The following WIPF3 variants were observed in gnomAD, a reference collection of about 807,000 sequenced individuals.
WIPF3 encodes the protein WAS/WASL-interacting protein family member 3.
In WIPF3, 33 loss-of-function variants were observed where a neutral mutation model predicts 38.9. The ratio of observed to expected loss-of-function variants is 0.85; its 90% confidence interval spans 0.64 to 1.14. The LOEUF is 1.14. WIPF3 is among the 50% of genes most tolerant of loss of function. The pLI, the probability that WIPF3 is intolerant of heterozygous loss-of-function variation, is 0.00. For missense variants in WIPF3, 711 were observed against 652.5 expected, an observed-to-expected ratio of 1.09 and a Z score of -0.98; for synonymous variants, 324 against 269.3, an observed-to-expected ratio of 1.20 and a Z score of -1.99.
At chr7:29,888,856 G>A (rs1168065434) in intron 6 of WIPF3, among the ~76,000 whole-genome samples, 1 of 152,170 alleles carries the variant, frequency 6.6e-6, no homozygotes, top group Non-Finnish European at 1.5e-5. Flanking sequence ...CACAGGCCAT[G>A]CTCCTCCATT....
At chr7:29,897,136 TC>T (rs138636042) in intron 7 of WIPF3, among the ~76,000 whole-genome samples, 1,645 of 152,318 alleles carry the variant, frequency 0.011, 35 homozygotes, top group East Asian at 0.057. Context: ...TCCTCAAAAT[TC>T]ATCTATGTTG....
chr7:29,807,127 G>T (rs1183708320), intron 1 of WIPF3, among the ~76,000 whole-genome samples: 2 of 152,116 alleles, frequency 1.3e-5, no homozygotes, highest in African/African-American at 2.4e-5. Context: ...CGCGGGAAGG[G>T]CTGGGGCGGA....
At chr7:29,876,060 C>G (rs1447372361) in intron 3 of WIPF3, 98 bp downstream of exon 3, 1 of 1,501,426 alleles carries the variant, frequency 6.7e-7, no homozygotes, top group East Asian at 2.4e-5. Flanking sequence ...AGCTGCTTCC[C>G]AGGATGCATA....
rs1785455544 is a variant in WIPF3 at position 29,869,425 on chromosome 7, A to G, written c.91-6405A>G. On this transcript the variant is annotated intron_variant, in intron 2 of 8. Coordinates refer to ENST00000242140, the MANE Select transcript of WIPF3 (RefSeq NM_001080529.3). ...ACTATTCAAGGGGTTCGCTTTACTGATTTCTATTTACCATCTTTTCAAGCC... is the reference window on the plus strand; with the variant it reads ...ACTATTCAAGGGGTTCGCTTTACTGGTTTCTATTTACCATCTTTTCAAGCC... 2.0e-5 allele frequency among the ~76,000 whole-genome samples: 3 copies of G among 152,216 alleles called. No homozygotes were observed. In the South Asian group the frequency reaches 6.2e-4, roughly 32 times the overall value.
chr7:29,830,102 A>G (rs1053412872), intron 1 of WIPF3, among the ~76,000 whole-genome samples: 26 of 35,648 alleles, frequency 7.3e-4, no homozygotes, highest in Non-Finnish European at 1.2e-3. Context: ...TTGTATCTGG[A>G]AAAAAAAAAG....
intron 5 of WIPF3, 99 bp from the exon 6 acceptor site, chr7:29,887,969 A>G: frequency 2.0e-6 from 3 of 1,476,848 alleles, no homozygotes; most frequent in Non-Finnish European, 2.8e-6. Context: ...GCTGTATCAT[A>G]TTACATCTGA....
intron 6 of WIPF3, among the ~76,000 whole-genome samples, chr7:29,888,492 T>C (rs1007858472): frequency 2.3e-5 from 3 of 132,772 alleles, no homozygotes; most frequent in Non-Finnish European, 4.8e-5. Flanking sequence ...TGAGTGTGTG[T>C]GCGTGTGCGT....
At chr7:29,886,075 C>T (rs1241496145) in intron 5 of WIPF3, among the ~76,000 whole-genome samples, 2 of 151,872 alleles carry the variant, frequency 1.3e-5, no homozygotes, top group Non-Finnish European at 2.9e-5. Context: ...AAGTTGATTC[C>T]ATTTTTTGTT....
At chr7:29,855,172 A>G (rs1785168278) in intron 2 of WIPF3, among the ~76,000 whole-genome samples, 1 of 152,200 alleles carries the variant, frequency 6.6e-6, no homozygotes, top group South Asian at 2.1e-4. Context: ...ATTTTTCTTG[A>G]GGCAGAATTC....
intron 8 of WIPF3, among the ~76,000 whole-genome samples, chr7:29,913,014 A>C (rs1786532666): frequency 6.6e-6 from 1 of 152,254 alleles, no homozygotes; most frequent in African/African-American, 2.4e-5. Context: ...GCAAAACATT[A>C]TGAATGTATT....
intron 1 of WIPF3, among the ~76,000 whole-genome samples, chr7:29,827,694 C>G (rs546550144): frequency 6.6e-6 from 1 of 152,182 alleles, no homozygotes; most frequent in East Asian, 1.9e-4. Flanking sequence ...GCCAAAGAAA[C>G]AAGGGATGTG....
chr7:29,811,477 G>A (rs371238673), intron 1 of WIPF3, among the ~76,000 whole-genome samples: 2 of 152,136 alleles, frequency 1.3e-5, no homozygotes, highest in East Asian at 3.8e-4. Flanking sequence ...CATAAGTTGT[G>A]GATAGTTTCC....
At chr7:29,890,437 A>T (rs770463344) in intron 7 of WIPF3, among the ~76,000 whole-genome samples, 1 of 151,748 alleles carries the variant, frequency 6.6e-6, no homozygotes, top group Non-Finnish European at 1.5e-5. Context: ...GGCCAATCAG[A>T]TTGGGCAGGA....
At position 29,878,584 on chromosome 7, in the gene WIPF3, A is replaced by G. The variant is rs1472592352; in HGVS notation, c.224-425A>G. Among the ~76,000 whole-genome samples, 2 of 152,196 alleles carry G rather than the reference A, an allele frequency of 1.3e-5. No individual in the cohort carries two copies. Among genetic ancestry groups the G allele is most frequent in the African/African-American group, 4.8e-5 (2 of 41,454 alleles). ...CAGCGCTCTGTGGACAAGAAGTTAA[A>G]ATGACTGACTGAATTAAATCTGTGG... On this transcript the variant is annotated intron_variant, in intron 3 of 8. Coordinates refer to ENST00000242140, the MANE Select transcript of WIPF3 (RefSeq NM_001080529.3). This position sits in a 1 kb window ranked among gnomAD's most constrained non-coding sequence, Gnocchi z 4.0.
intron 2 of WIPF3, among the ~76,000 whole-genome samples, chr7:29,852,119 AGCCTCCCAAATAGCTG>A (rs1785109338): frequency 2.0e-5 from 3 of 152,120 alleles, no homozygotes; most frequent in Admixed American, 1.3e-4. Flanking sequence ...CTCCTGCCTC[AGCCTCCCAAATAGCTG>A]AGACTACAGG....
At chr7:29,887,154 G>T (rs1785900279) in intron 5 of WIPF3, among the ~76,000 whole-genome samples, 1 of 152,198 alleles carries the variant, frequency 6.6e-6, no homozygotes, top group Non-Finnish European at 1.5e-5. Context: ...CCAGGATGGG[G>T]ATTCATATCT....
chr7:29,846,477 G>T (rs174943), intron 2 of WIPF3, among the ~76,000 whole-genome samples: 1 of 151,954 alleles, frequency 6.6e-6, no homozygotes, highest in African/African-American at 2.4e-5. Flanking sequence ...CAGGCAGGTG[G>T]ATCACCTGAG....
chr7:29,831,496 C>T (rs1008119179), intron 1 of WIPF3, among the ~76,000 whole-genome samples: 2 of 152,224 alleles, frequency 1.3e-5, no homozygotes, highest in African/African-American at 4.8e-5. Context: ...TAAAAGTAAT[C>T]ATCACGCTCT....
chr7:29,834,664 TC>T lies in WIPF3; in HGVS notation c.-57-3del. Reference sequence around the variant, plus strand: ...TTTAAATCCATTCTTTTTCTCTTTTTCAGAGCAGAAGCCACTCTCTTGGGAC... The same window carrying T: ...TTTAAATCCATTCTTTTTCTCTTTTTAGAGCAGAAGCCACTCTCTTGGGAC... On this transcript the variant is annotated splice_region_variant and splice_polypyrimidine_tract_variant and intron_variant, in intron 1 of 8. Transcript: ENST00000242140. The T allele has an allele frequency of 7.2e-7, 1 of 1,389,308 alleles. No homozygotes were observed. The highest frequency in any genetic ancestry group is 9.4e-7 in the Non-Finnish European group (1 of 1,069,182). 86.1% of individuals were successfully genotyped at this position (1,389,308 alleles called of 1,614,324 possible). A position where few individuals can be genotyped will look rare whatever the true frequency, so the allele number is the denominator to read the frequency against.
Sources: allele counts gnomAD v4.1 joint callset (sites outside exome capture counted in the v4.1 genomes callset), GRCh38; gene constraint gnomAD v4.1.1; non-coding constraint Gnocchi (gnomAD v3.1); transcripts MANE v1.5; gene names NCBI Gene and HGNC (gene_info 2026-07-23, HGNC 2026-07-21).